DHRSX: variants seen among roughly 807,000 people sequenced by gnomAD.
The protein encoded by DHRSX is dehydrogenase/reductase X-linked.
In DHRSX, 31 loss-of-function variants were observed where a neutral mutation model predicts 34.0. The ratio of observed to expected loss-of-function variants is 0.91; its 90% CI spans 0.69 to 1.23. The LOEUF is 1.23. Among genes scored for constraint, DHRSX ranks in the 50% most tolerant of loss-of-function variants. The pLI, the probability that DHRSX is intolerant of heterozygous loss-of-function variation, is 0.00. For missense variants in DHRSX, 414 were observed against 428.1 expected, an observed-to-expected ratio of 0.97 and a Z score of 0.29; for synonymous variants, 201 against 183.8, an observed-to-expected ratio of 1.09 and a Z score of -0.76.
chrX:2,449,391 G>A (rs1387539147), intron 1 of DHRSX, among the ~76,000 whole-genome samples: 2 of 152,176 alleles, frequency 1.3e-5, no homozygotes, highest in African/African-American at 4.8e-5. Flanking sequence ...CATGCAAGGT[G>A]CACTGAGACA....
At chrX:2,447,737 A>G (rs1238110261) in intron 1 of DHRSX, among the ~76,000 whole-genome samples, 1 of 140,968 alleles carries the variant, frequency 7.1e-6, no homozygotes, top group African/African-American at 2.7e-5. Flanking sequence ...AACAACATGG[A>G]TGGGACTGGA....
chrX:2,232,578 T>A (rs1169787142), intron 6 of DHRSX, among the ~76,000 whole-genome samples: 3 of 152,036 alleles, frequency 2.0e-5, no homozygotes, highest in East Asian at 1.9e-4. Context: ...AGCATTTTTT[T>A]TTATTTTTTA....
intron 3 of DHRSX, among the ~76,000 whole-genome samples, chrX:2,376,916 C>T (rs1292999799): frequency 1.3e-5 from 2 of 151,966 alleles, no homozygotes; most frequent in Non-Finnish European, 2.9e-5. Flanking sequence ...ATCACTTGAA[C>T]CCGGGAGGCA....
At chrX:2,243,794 T>TG (rs2016205974) in intron 5 of DHRSX, among the ~76,000 whole-genome samples, 1 of 9,976 alleles carries the variant, frequency 1.0e-4, no homozygotes, top group East Asian at 7.0e-4. Flanking sequence ...CCCTGTTTTT[T>TG]TTTTTTTTTT....
At position 2,425,231 on chromosome X, in the gene DHRSX, C is replaced by T. The variant is rs774508189; in HGVS notation, c.183G>A (p.Lys61=). The change falls in exon 2 of 7, where the codon AAG becomes AAA. Residue 61 remains lysine, a synonymous_variant. Transcript: ENST00000334651. ...CATGCATGCCAAGTCTCGCCAGATG[C>T]TTCGCTGTAGAATAGCCAATGCCAT... ...GTDGIGYSTA[K]HLARLGMHVI... is the part of the protein sequence containing the mutation. 13 of 1,613,830 alleles carry T rather than the reference C, an allele frequency of 8.1e-6. No individual in the cohort carries two copies. The South Asian group carries it at 1.4e-4, about 18-fold the overall frequency.
At chrX:2,358,453 T>G (rs967847109) in intron 3 of DHRSX, among the ~76,000 whole-genome samples, 1 of 152,056 alleles carries the variant, frequency 6.6e-6, no homozygotes, top group African/African-American at 2.4e-5. Flanking sequence ...ATCCCAGCAC[T>G]TTGGGAGGCC....
chrX:2,312,127 C>T (rs866351622), intron 3 of DHRSX, among the ~76,000 whole-genome samples: 1 of 152,066 alleles, frequency 6.6e-6, no homozygotes, highest in Non-Finnish European at 1.5e-5. Flanking sequence ...GAACTGAGAC[C>T]TGGCAGGGAC....
intron 3 of DHRSX, among the ~76,000 whole-genome samples, chrX:2,309,140 C>G (rs1468831199): frequency 6.6e-6 from 1 of 151,728 alleles, no homozygotes; most frequent in Non-Finnish European, 1.5e-5. Flanking sequence ...TCTAATCAGA[C>G]CAATAGCTAT....
Position 2,352,388 on chromosome X carries a change from C to T in DHRSX, c.286+56357G>A, listed in dbSNP as rs149965407. On this transcript the variant is annotated intron_variant, in intron 3 of 6. Transcript: ENST00000334651. ...GATTATGGTTAAACTAAAACTCCTA[C>T]GAGGCTGTCTCCAAAAACTTGAGCT... Among the ~76,000 whole-genome samples the T allele has an allele frequency of 9.2e-5, 14 of 152,234 alleles. No individual in the cohort carries two copies. In the East Asian group the frequency reaches 2.1e-3, roughly 23 times the overall value.
rs59435030 is a variant in DHRSX at position 2,370,590 on chromosome X, G to GAAAAAAAAAAAAAAAAAA, written c.286+38137_286+38154dup. ...TTGTCTTCCAGAAAATGGTTTTACT[G>GAAAAAAAAAAAAAAAAAA]AAAAAAAAAAAAAAAAAATTCCCTT... On this transcript the variant is annotated intron_variant, in intron 3 of 6. Coordinates refer to ENST00000334651, the MANE Select transcript of DHRSX (RefSeq NM_145177.3). Among the ~76,000 whole-genome samples the GAAAAAAAAAAAAAAAAAA allele has an allele frequency of 1.9e-3, 252 of 132,596 alleles. 5 individuals are homozygous for GAAAAAAAAAAAAAAAAAA. Among genetic ancestry groups the GAAAAAAAAAAAAAAAAAA allele is most frequent in the African/African-American group, 3.1e-3 (102 of 33,242 alleles). 87.0% of individuals were successfully genotyped at this position (132,596 alleles called of 152,430 possible).
At chrX:2,418,197 C>T (rs2043720131) in intron 2 of DHRSX, among the ~76,000 whole-genome samples, 1 of 151,998 alleles carries the variant, frequency 6.6e-6, no homozygotes, top group Non-Finnish European at 1.5e-5. Flanking sequence ...AAGACCTAAT[C>T]AAACCATACC....
chrX:2,378,829 C>T lies in DHRSX; in HGVS notation c.286+29916G>A, dbSNP rs763781797. ...GGGATTGCAGGTGCGCACCACCACG[C>T]CTGGCTACTTTTTTGTATTTTTAGT... On this transcript the variant is annotated intron_variant, in intron 3 of 6. Transcript: ENST00000334651. Among the ~76,000 whole-genome samples, 9 of 152,150 alleles carry T rather than the reference C, an allele frequency of 5.9e-5. No homozygotes were observed. In the East Asian group the frequency reaches 1.6e-3, roughly 26 times the overall value.
chrX:2,374,424 C>A (rs1175881636), intron 3 of DHRSX, among the ~76,000 whole-genome samples: 1 of 151,692 alleles, frequency 6.6e-6, no homozygotes, highest in Non-Finnish European at 1.5e-5. Flanking sequence ...CATAGTGAGA[C>A]CCCATCCAAA....
intron 1 of DHRSX, among the ~76,000 whole-genome samples, chrX:2,495,666 C>T (rs2045265897): frequency 6.6e-6 from 1 of 152,178 alleles, no homozygotes; most frequent in Non-Finnish European, 1.5e-5. Context: ...CCTCCTTCCT[C>T]CTCCCTTGCA....
intron 1 of DHRSX, among the ~76,000 whole-genome samples, chrX:2,457,916 T>G (rs2044331475): frequency 1.3e-5 from 2 of 150,198 alleles, no homozygotes; most frequent in African/African-American, 4.9e-5. Flanking sequence ...TCCGTAAGCA[T>G]GTAGCCAAGG....
chrX:2,284,532 T>C (rs73628276), intron 4 of DHRSX, among the ~76,000 whole-genome samples: 3,469 of 152,342 alleles, frequency 0.023, 138 homozygotes, highest in African/African-American at 0.079. Flanking sequence ...CGTGGACGTA[T>C]TTCTTTGGTG....
chrX:2,479,762 T>G (rs775568467), intron 1 of DHRSX, among the ~76,000 whole-genome samples: 2 of 151,718 alleles, frequency 1.3e-5, no homozygotes, highest in Admixed American at 1.3e-4. Context: ...TCTAAGAATG[T>G]GGCCAATGGA....
intron 3 of DHRSX, among the ~76,000 whole-genome samples, chrX:2,305,035 C>A (rs1172021634): frequency 1.3e-5 from 2 of 151,926 alleles, no homozygotes; most frequent in Non-Finnish European, 2.9e-5. Context: ...TAAAAAGGAA[C>A]GAGATCATGT....
At chrX:2,366,488 T>A (rs2042995792) in intron 3 of DHRSX, among the ~76,000 whole-genome samples, 1 of 152,096 alleles carries the variant, frequency 6.6e-6, no homozygotes, top group East Asian at 1.9e-4. Flanking sequence ...CAGGTAATTC[T>A]TGGAAATTGT....
Sources: gnomAD v4.1 joint callset for allele counts (sites outside exome capture counted in the v4.1 genomes callset) on GRCh38, gnomAD v4.1.1 for gene constraint, MANE v1.5 for transcripts, NCBI Gene and HGNC (gene_info 2026-07-23, HGNC 2026-07-21) for gene names.